Variants in BLTP1 observed in about 807,000 individuals in gnomAD.
BLTP1 encodes bridge-like lipid transfer protein family member 1.
chr4:122,170,789 G>A, the BLTP1 span: 27 of 1,348,034 alleles, frequency 2.0e-5, no homozygotes, highest in East Asian at 6.3e-4. Context: ...TTTAAGTATG[G>A]ATTAACAGCT....
chr4:122,174,952 C>A, the BLTP1 span: 1 of 707,682 alleles, frequency 1.4e-6, no homozygotes, highest in Non-Finnish European at 1.7e-6. Context: ...AGTAGTCATT[C>A]GTTATATACA....
the BLTP1 span, chr4:122,325,893 C>G: frequency 8.5e-7 from 1 of 1,176,668 alleles, no homozygotes. Context: ...CACAATCCAG[C>G]TGTCCTGGGG....
At chr4:122,314,000 A>G in the BLTP1 span, 1 of 940,594 alleles carries the variant, frequency 1.1e-6, no homozygotes, top group South Asian at 4.9e-5. Context: ...ACAAAATTAC[A>G]TTGAAATATG....
At chr4:122,257,570 A>G in the BLTP1 span, 3 of 1,355,246 alleles carry the variant, frequency 2.2e-6, no homozygotes, top group African/African-American at 4.3e-5. Flanking sequence ...CAACACAATT[A>G]CTGTATGTTT....
chr4:122,316,667 G>T, the BLTP1 span: 1 of 1,562,908 alleles, frequency 6.4e-7, no homozygotes, highest in Non-Finnish European at 8.7e-7. Context: ...TGTTAATTTT[G>T]TGATAGTATA....
chr4:122,305,495 C>T, the BLTP1 span: 1 of 981,436 alleles, frequency 1.0e-6, no homozygotes, highest in Middle Eastern at 5.3e-4. Context: ...CTTTGAAGAA[C>T]CAAGTAGAAA....
the BLTP1 span, chr4:122,229,604 C>T: frequency 2.2e-6 from 1 of 451,990 alleles, no homozygotes; most frequent in Non-Finnish European, 2.9e-6. Context: ...ATTTGTTTCC[C>T]ACTCTTTTAT....
chr4:122,313,576 A>T, the BLTP1 span: 1 of 1,441,784 alleles, frequency 6.9e-7, no homozygotes, highest in Non-Finnish European at 9.6e-7. Flanking sequence ...TACAATATAT[A>T]GTCACAAATG....
chr4:122,224,189 C>G, the BLTP1 span: 1 of 643,090 alleles, frequency 1.6e-6, no homozygotes, highest in Non-Finnish European at 1.9e-6. Flanking sequence ...CTTGTATTCC[C>G]TGTCAAAGTA....
At chr4:122,352,215 C>A in the BLTP1 span, among the ~76,000 whole-genome samples, 2 of 152,068 alleles carry the variant, frequency 1.3e-5, no homozygotes, top group Non-Finnish European at 2.9e-5. Flanking sequence ...CCTCTTTGTT[C>A]TTCTGCTTAT....
the BLTP1 span, chr4:122,247,052 A>G: frequency 7.3e-7 from 1 of 1,377,388 alleles, no homozygotes; most frequent in Non-Finnish European, 9.8e-7. Flanking sequence ...TTGGTGTATA[A>G]TAGTAGAGTG....
chr4:122,175,990 A>C, the BLTP1 span: 1 of 805,058 alleles, frequency 1.2e-6, no homozygotes, highest in South Asian at 1.5e-5. Context: ...TTAAAATTAG[A>C]TATGACCAGT....
At chr4:122,240,195 A>T in the BLTP1 span, 3 of 1,614,142 alleles carry the variant, frequency 1.9e-6, no homozygotes, top group Non-Finnish European at 2.5e-6. Flanking sequence ...TTGTTATCAG[A>T]CTTACCTTAC....
the BLTP1 span, among the ~76,000 whole-genome samples, chr4:122,255,537 T>G: frequency 6.6e-6 from 1 of 152,106 alleles, no homozygotes; most frequent in Non-Finnish European, 1.5e-5. Flanking sequence ...TCCCAGCTAC[T>G]TGGGAGGCTG....
At chr4:122,298,474 CA>C in the BLTP1 span, 4 of 190,992 alleles carry the variant, frequency 2.1e-5, no homozygotes, top group South Asian at 3.6e-4. Context: ...CTCTCTATAA[CA>C]TAACTCATTC....
At chr4:122,244,766 C>T in the BLTP1 span, 2 of 478,530 alleles carry the variant, frequency 4.2e-6, no homozygotes, top group African/African-American at 4.2e-5. Context: ...AAATCTTCTT[C>T]AGAAGTTTGT....
chr4:122,225,963 A>G, the BLTP1 span: 1 of 152,214 alleles, frequency 6.6e-6, no homozygotes, highest in Admixed American at 6.5e-5. Flanking sequence ...AATTGCCTTT[A>G]TAAGGTAAAA....
chr4:122,261,931 A>G, the BLTP1 span: 1 of 985,260 alleles, frequency 1.0e-6, no homozygotes, highest in East Asian at 1.1e-4. Flanking sequence ...TTTTCAGAGG[A>G]GGTTAAGACA....
chr4:122,175,734 T>C, the BLTP1 span: 2 of 660,862 alleles, frequency 3.0e-6, no homozygotes, highest in East Asian at 5.6e-5. Flanking sequence ...CAATGTTCTT[T>C]TGAGGATTTC....
Sources: gnomAD v4.1 joint callset for allele counts (sites outside exome capture counted in the v4.1 genomes callset) on GRCh38, gnomAD v4.1.1 for gene constraint, MANE v1.5 for transcripts, NCBI Gene and HGNC (gene_info 2026-07-23, HGNC 2026-07-21) for gene names.